The following EHBP1 variants were observed in gnomAD, a reference collection of about 807,000 sequenced individuals.
EHBP1 encodes the protein EH domain-binding protein 1.
EHBP1 carries 55 observed loss-of-function variants against 144.0 expected under a neutral mutation model. The observed-to-expected ratio is 0.38, with a 90% CI of 0.31 to 0.48. The LOEUF (loss-of-function observed/expected upper bound fraction) is 0.48. Ranked by LOEUF, EHBP1 falls within the 20% of genes least tolerant of loss-of-function variation. EHBP1 has a pLI of 0.98. For missense variants in EHBP1, 1,200 were observed against 1,364.2 expected (o/e 0.88, Z 1.90); for synonymous variants, 469 against 472.7 (o/e 0.99, Z 0.10).
At chr2:62,832,720 G>C (rs2046921158) in intron 7 of EHBP1, among the ~76,000 whole-genome samples, 1 of 152,094 alleles carries the variant, frequency 6.6e-6, no homozygotes, top group South Asian at 2.1e-4. Context: ...ACTTAATCAA[G>C]TGTGTTCTGA....
chr2:62,836,488 T>C (rs1321683572), intron 7 of EHBP1, among the ~76,000 whole-genome samples: 2 of 143,790 alleles, frequency 1.4e-5, no homozygotes, highest in African/African-American at 5.2e-5. Context: ...CAAAGCTGGA[T>C]GGAGAATGAC....
intron 18 of EHBP1, 65 bp downstream of exon 18, chr2:62,994,042 C>T: frequency 1.8e-6 from 2 of 1,117,620 alleles, no homozygotes; most frequent in Admixed American, 5.0e-5. Flanking sequence ...GGAAATAGTG[C>T]CTTTATTTGT....
At chr2:62,890,609 A>G (rs2052376312) in intron 10 of EHBP1, among the ~76,000 whole-genome samples, 2 of 152,208 alleles carry the variant, frequency 1.3e-5, no homozygotes, top group African/African-American at 4.8e-5. Context: ...ATTTAGCTGA[A>G]GTTATTTATT....
At chr2:63,038,165 G>A (rs974650380) in intron 20 of EHBP1, among the ~76,000 whole-genome samples, 9 of 152,004 alleles carry the variant, frequency 5.9e-5, no homozygotes, top group East Asian at 3.9e-4. Context: ...TTAGTTCACC[G>A]GAGGACTTAA....
chr2:62,679,182 T>C (rs116562391), intron 1 of EHBP1, among the ~76,000 whole-genome samples: 2 of 152,328 alleles, frequency 1.3e-5, no homozygotes, highest in African/African-American at 2.4e-5. Context: ...TTTAAACTGG[T>C]TTATTGATCC....
intron 2 of EHBP1, among the ~76,000 whole-genome samples, chr2:62,717,038 G>A (rs2151895220): frequency 6.6e-6 from 1 of 152,256 alleles, no homozygotes; most frequent in Non-Finnish European, 1.5e-5. Flanking sequence ...AAAGTGCTGG[G>A]ATTACAGGTG....
At chr2:62,943,376 CAAAAAAAAAAAAAAAA>C (rs11306610) in intron 11 of EHBP1, among the ~76,000 whole-genome samples, 1 of 87,858 alleles carries the variant, frequency 1.1e-5, no homozygotes, top group African/African-American at 4.7e-5. Flanking sequence ...AACTCCGTCT[CAAAAAAAAAAAAAAAA>C]AAAAAAAATG....
At chr2:62,907,619 C>A (rs1030048211) in intron 10 of EHBP1, among the ~76,000 whole-genome samples, 4 of 152,144 alleles carry the variant, frequency 2.6e-5, no homozygotes, top group African/African-American at 9.7e-5. Context: ...GACACTAATC[C>A]ATTAATAAGG....
At chr2:62,676,954 G>A (rs1481018389) in intron 1 of EHBP1, among the ~76,000 whole-genome samples, 2 of 152,194 alleles carry the variant, frequency 1.3e-5, no homozygotes, top group Non-Finnish European at 2.9e-5. Flanking sequence ...CAGGAGCCCA[G>A]GAGTTCAAGA....
chr2:62,939,887 C>T (rs2056635314), intron 10 of EHBP1: 2 of 182,248 alleles, frequency 1.1e-5, no homozygotes, highest in Non-Finnish European at 1.2e-5. Flanking sequence ...CTACTCCTGA[C>T]TCATGGCTGT....
At chr2:62,865,356 G>A (rs1397338027) in intron 9 of EHBP1, among the ~76,000 whole-genome samples, 1 of 152,062 alleles carries the variant, frequency 6.6e-6, no homozygotes, top group Non-Finnish European at 1.5e-5. Flanking sequence ...AATCATTTGT[G>A]GTATTGATTT....
intron 10 of EHBP1, chr2:62,881,871 GTTAT>G (rs1243252529): frequency 6.6e-6 from 1 of 152,018 alleles, no homozygotes; most frequent in Non-Finnish European, 1.5e-5. Flanking sequence ...GCTATATTAG[GTTAT>G]TTAATTCTCA....
chr2:62,805,553 C>T (rs1359509461), intron 5 of EHBP1, among the ~76,000 whole-genome samples: 6 of 150,344 alleles, frequency 4.0e-5, no homozygotes, highest in African/African-American at 1.5e-4. Context: ...CTTACTCTGT[C>T]ACCTAGGATG....
At chr2:62,706,596 C>G (rs900299537) in intron 1 of EHBP1, 1 of 152,772 alleles carries the variant, frequency 6.5e-6, no homozygotes. Flanking sequence ...CCGCTCTGCT[C>G]GCCCTTCAGT....
chr2:62,798,982 T>C lies in EHBP1; in HGVS notation c.313-27105T>C, dbSNP rs370499036. On this transcript the variant is annotated intron_variant, in intron 5 of 22. Transcript: ENST00000431489. Reference sequence around the variant, plus strand: ...TCGTGCCACTGCACGCCAGCCTGGGTGACAAAGCAAGACTCCGTCTCAAAA... The same window carrying C: ...TCGTGCCACTGCACGCCAGCCTGGGCGACAAAGCAAGACTCCGTCTCAAAA... Among the ~76,000 whole-genome samples, 86 of 117,396 alleles carry C rather than the reference T, an allele frequency of 7.3e-4. 1 individual carries two copies. Among genetic ancestry groups the C allele is most frequent in the South Asian group, 2.6e-3 (10 of 3,858 alleles). 77.0% of individuals were successfully genotyped at this position (117,396 alleles called of 152,430 possible). A position where few individuals can be genotyped will look rare whatever the true frequency, so the allele number is the denominator to read the frequency against.
exon 1 of EHBP1, chr2:62,674,072 G>C (rs983737819): frequency 2.1e-6 from 1 of 471,148 alleles, no homozygotes; most frequent in Non-Finnish European, 4.4e-6. Flanking sequence ...CACCTAACCA[G>C]TGATTTTCAA....
At chr2:62,863,520 CT>C (rs2049772325) in intron 8 of EHBP1, among the ~76,000 whole-genome samples, 1 of 152,120 alleles carries the variant, frequency 6.6e-6, no homozygotes, top group Non-Finnish European at 1.5e-5. Context: ...CTTGATATAT[CT>C]ATCAGCTTAC....
At chr2:62,806,979 C>A (rs2044560656) in intron 5 of EHBP1, among the ~76,000 whole-genome samples, 1 of 152,070 alleles carries the variant, frequency 6.6e-6, no homozygotes, top group African/African-American at 2.4e-5. Context: ...GTTCCAGGAC[C>A]CCCTGCAGAA....
intron 2 of EHBP1, 141 bp downstream of exon 2, chr2:62,707,436 C>CTA: frequency 1.6e-6 from 1 of 643,958 alleles, no homozygotes; most frequent in South Asian, 1.8e-5. Context: ...ATAACTCTAA[C>CTA]AAGTACTGTG....
Sources: gnomAD v4.1 joint callset for allele counts (sites outside exome capture counted in the v4.1 genomes callset) on GRCh38, gnomAD v4.1.1 for gene constraint, MANE v1.5 for transcripts, NCBI Gene and HGNC (gene_info 2026-07-23, HGNC 2026-07-21) for gene names.